ADAMTSL1: variants seen among roughly 807,000 people sequenced by gnomAD.
ADAMTSL1 encodes ADAMTS like 1.
In ADAMTSL1, 126 loss-of-function variants were observed where a neutral mutation model predicts 201.8. That is an observed-to-expected ratio of 0.62 (90% CI 0.54 to 0.72). ADAMTSL1 has a LOEUF of 0.72. Among genes scored for constraint, ADAMTSL1 ranks in the 30% least tolerant of loss-of-function variants. ADAMTSL1 has a pLI of 0.00. For synonymous variants in ADAMTSL1, 1,121 were observed against 903.4 expected, an observed-to-expected ratio of 1.24 and a Z score of -4.32; for missense variants, 2,679 against 2,277.8, an observed-to-expected ratio of 1.18 and a Z score of -3.59.
intron 1 of ADAMTSL1, among the ~76,000 whole-genome samples, chr9:18,007,578 G>C (rs1819879867): frequency 6.6e-6 from 1 of 151,962 alleles, no homozygotes; most frequent in Non-Finnish European, 1.5e-5. Flanking sequence ...GTAAAGCGAG[G>C]CAGGTGGATT....
At chr9:18,367,544 C>T (rs539333870) in intron 2 of ADAMTSL1, among the ~76,000 whole-genome samples, 1 of 151,932 alleles carries the variant, frequency 6.6e-6, no homozygotes, top group East Asian at 1.9e-4. Flanking sequence ...TTTTAAGACA[C>T]TGATAATAGA....
chr9:18,675,149 C>G (rs1191418260), intron 9 of ADAMTSL1, among the ~76,000 whole-genome samples: 1 of 152,198 alleles, frequency 6.6e-6, no homozygotes, highest in Non-Finnish European at 1.5e-5. Flanking sequence ...ACAACCATCA[C>G]TGCAATAGCA....
intron 1 of ADAMTSL1, among the ~76,000 whole-genome samples, chr9:18,119,784 A>G (rs1261984014): frequency 6.6e-6 from 1 of 152,068 alleles, no homozygotes; most frequent in African/African-American, 2.4e-5. Flanking sequence ...TGCTGGCTTC[A>G]CTCTCACCCT....
intron 19 of ADAMTSL1, among the ~76,000 whole-genome samples, chr9:18,781,678 A>G (rs1821403091): frequency 6.6e-6 from 1 of 152,138 alleles, no homozygotes; most frequent in Non-Finnish European, 1.5e-5. Context: ...GAAGTGCTGA[A>G]ATGTCCAGTG....
chr9:18,704,322 T>A (rs1456953500), intron 13 of ADAMTSL1, among the ~76,000 whole-genome samples: 1 of 152,220 alleles, frequency 6.6e-6, no homozygotes, highest in Non-Finnish European at 1.5e-5. Context: ...TGGCCAGCCC[T>A]TGCCCTGTTA....
At chr9:18,149,258 G>T (rs77487958) in intron 1 of ADAMTSL1, among the ~76,000 whole-genome samples, 2 of 152,046 alleles carry the variant, frequency 1.3e-5, no homozygotes, top group African/African-American at 4.8e-5. Context: ...AGGTGGGCAC[G>T]CAAGTCAGAT....
At chr9:18,628,177 C>T (rs1564100724) in intron 5 of ADAMTSL1, among the ~76,000 whole-genome samples, 2 of 117,824 alleles carry the variant, frequency 1.7e-5, no homozygotes, top group Non-Finnish European at 3.6e-5. Context: ...TTGCCTAAGA[C>T]CAGGACACAA....
At chr9:18,698,695 T>C (rs1018244317) in intron 13 of ADAMTSL1, among the ~76,000 whole-genome samples, 3 of 152,214 alleles carry the variant, frequency 2.0e-5, no homozygotes, top group African/African-American at 4.8e-5. Context: ...TGGTGTCATG[T>C]AATTCAAGAG....
chr9:18,111,439 A>C (rs988046752), intron 1 of ADAMTSL1, among the ~76,000 whole-genome samples: 5 of 152,180 alleles, frequency 3.3e-5, no homozygotes, highest in African/African-American at 1.2e-4. Context: ...CAGTATGTTT[A>C]ATATGAGTTA....
chr9:18,061,059 G>A (rs2131698611), intron 1 of ADAMTSL1, among the ~76,000 whole-genome samples: 1 of 152,206 alleles, frequency 6.6e-6, no homozygotes, highest in African/African-American at 2.4e-5. Context: ...TACTGTCCTT[G>A]TATCTTAAGA....
Position 18,323,020 on chromosome 9 carries a change from A to C in ADAMTSL1, c.207+159039A>C, listed in dbSNP as rs1416806562. ...TCTTTCAGAAAACAGAGGAGAGAAT[A>C]CTTCCCTATTTGTTTTGAGACCAAT... On this transcript the variant is annotated intron_variant, in intron 2 of 29. Transcript: ENST00000680146. 2.6e-5 allele frequency among the ~76,000 whole-genome samples: 4 copies of C among 152,298 alleles called. No homozygotes were observed. In the East Asian group the frequency reaches 7.7e-4, roughly 29 times the overall value.
At chr9:17,936,245 CT>C (rs1244750608) in intron 1 of ADAMTSL1, among the ~76,000 whole-genome samples, 1 of 152,098 alleles carries the variant, frequency 6.6e-6, no homozygotes, top group African/African-American at 2.4e-5. Context: ...TCCTTTGCAA[CT>C]TCACATAATA....
intron 2 of ADAMTSL1, among the ~76,000 whole-genome samples, chr9:18,195,332 C>A (rs967863990): frequency 5.9e-5 from 9 of 152,094 alleles, no homozygotes; most frequent in South Asian, 2.1e-4. Flanking sequence ...ATCAAAACTG[C>A]CTCCGGGAAG....
intron 3 of ADAMTSL1, among the ~76,000 whole-genome samples, chr9:18,538,014 GA>G (rs1172968969): frequency 3.3e-5 from 5 of 151,890 alleles, no homozygotes; most frequent in Admixed American, 6.6e-5. Flanking sequence ...GGAGGAGGAG[GA>G]GGAGAAGGAG....
At chr9:18,444,008 G>A (rs1445140454) in intron 2 of ADAMTSL1, among the ~76,000 whole-genome samples, 4 of 152,118 alleles carry the variant, frequency 2.6e-5, no homozygotes, top group Non-Finnish European at 5.9e-5. Context: ...TCACATTTAA[G>A]TAAGAGGAAC....
chr9:18,036,281 G>A (rs981024480), intron 1 of ADAMTSL1, among the ~76,000 whole-genome samples: 5 of 152,156 alleles, frequency 3.3e-5, no homozygotes, highest in Non-Finnish European at 7.3e-5. Flanking sequence ...GAGGTTGAGA[G>A]GCCTTTCTAA....
At position 18,892,005 on chromosome 9, in the gene ADAMTSL1, G is replaced by C. The variant is rs143862331; in HGVS notation, c.4644-384G>C. ...AGGTTCTAGGAGAGAATCCACTTCT[G>C]GTGGCCCCAGGTGGCTTATGGCCAC... On this transcript the variant is annotated intron_variant, in intron 25 of 28. Coordinates refer to ENST00000380548, the MANE Select transcript of ADAMTSL1 (RefSeq NM_001040272.6). 6.2e-3 allele frequency among the ~76,000 whole-genome samples: 942 copies of C among 152,312 alleles called. 12 individuals are homozygous for C. The highest frequency in any genetic ancestry group is 0.021 in the African/African-American group (877 of 41,554).
chr9:18,253,107 A>C (rs2254658), intron 2 of ADAMTSL1, among the ~76,000 whole-genome samples: 52,354 of 152,078 alleles, frequency 0.34, 9,616 homozygotes, highest in Admixed American at 0.43. Context: ...TATGATGTAG[A>C]TGTCATGATG....
chr9:18,409,766 T>A (rs1818357479), intron 2 of ADAMTSL1, among the ~76,000 whole-genome samples: 1 of 150,366 alleles, frequency 6.7e-6, no homozygotes, highest in African/African-American at 2.4e-5. Context: ...CATATATGTA[T>A]ACATACATAC....
Sources: allele counts gnomAD v4.1 joint callset (sites outside exome capture counted in the v4.1 genomes callset), GRCh38; gene constraint gnomAD v4.1.1; transcripts MANE v1.5; gene names NCBI Gene and HGNC (gene_info 2026-07-23, HGNC 2026-07-21).